The following FAM169A variants were observed in gnomAD, a reference collection of about 807,000 sequenced individuals.
The protein encoded by FAM169A is family with sequence similarity 169 member A, also known as soluble lamin-associated protein of 75 kDa.
FAM169A carries 24 observed loss-of-function variants against 75.7 expected under a neutral mutation model. That is an observed-to-expected ratio of 0.32 (90% CI 0.23 to 0.45). FAM169A has a LOEUF of 0.45. Ranked by LOEUF, FAM169A falls within the 20% of genes least tolerant of loss-of-function variation. The pLI is 1.00. For synonymous variants in FAM169A, 271 were observed against 271.0 expected, an observed-to-expected ratio of 1.00 and a Z score of 0.00; for missense variants, 673 against 784.0, an observed-to-expected ratio of 0.86 and a Z score of 1.69.
intron 1 of FAM169A, among the ~76,000 whole-genome samples, chr5:74,861,477 A>C (rs1750033083): frequency 6.6e-6 from 1 of 152,172 alleles, no homozygotes. Context: ...GGCTCCCAGC[A>C]CTTTGGGAGA....
intron 3 of FAM169A, among the ~76,000 whole-genome samples, chr5:74,839,758 A>C (rs1419047151): frequency 6.6e-6 from 1 of 152,004 alleles, no homozygotes; most frequent in Non-Finnish European, 1.5e-5. Context: ...TTCTGACCTC[A>C]GGTGATCCAC....
chr5:74,862,832 G>A (rs1234400057), intron 1 of FAM169A, among the ~76,000 whole-genome samples: 1 of 152,116 alleles, frequency 6.6e-6, no homozygotes, highest in Admixed American at 6.6e-5. Flanking sequence ...TGTACAGTTA[G>A]ACCTTAAGGA....
intron 8 of FAM169A, 72 bp downstream of exon 8, chr5:74,804,421 A>G (rs774992268): frequency 4.2e-5 from 26 of 622,410 alleles, no homozygotes; most frequent in Non-Finnish European, 6.1e-5. Context: ...AAACTCAAAT[A>G]TAACCTGTAT....
chr5:74,807,444 T>C (rs1022939291), intron 6 of FAM169A, among the ~76,000 whole-genome samples: 1 of 152,172 alleles, frequency 6.6e-6, no homozygotes, highest in Non-Finnish European at 1.5e-5. Flanking sequence ...TGAGAGAGTA[T>C]CATACCACAT....
chr5:74,842,993 A>G (rs2112681784), intron 1 of FAM169A, among the ~76,000 whole-genome samples: 1 of 152,264 alleles, frequency 6.6e-6, no homozygotes, highest in Non-Finnish European at 1.5e-5. Flanking sequence ...ATTTAGTAAA[A>G]TAGGACATAA....
intron 5 of FAM169A, among the ~76,000 whole-genome samples, chr5:74,818,805 A>C (rs36077153): frequency 0.36 from 40,700 of 114,146 alleles, 6,268 homozygotes; most frequent in Non-Finnish European, 0.43. Flanking sequence ...CTCTCTCTCT[A>C]TATATATATA....
chr5:74,800,758 T>A (rs1254565165), intron 10 of FAM169A, 122 bp downstream of exon 10: 1 of 332,990 alleles, frequency 3.0e-6, no homozygotes, highest in Non-Finnish European at 4.7e-6. Context: ...ATACCAAAAG[T>A]ATAATAAACA....
intron 1 of FAM169A, among the ~76,000 whole-genome samples, chr5:74,856,022 C>A (rs1471047959): frequency 6.6e-6 from 1 of 152,210 alleles, no homozygotes; most frequent in Non-Finnish European, 1.5e-5. Context: ...TTCCCAGCAC[C>A]ATTTATTAAA....
chr5:74,834,332 T>C (rs1460303733), intron 5 of FAM169A, 94 bp downstream of exon 5: 1 of 668,852 alleles, frequency 1.5e-6, no homozygotes, highest in African/African-American at 1.9e-5. Flanking sequence ...ATTTGCATGC[T>C]AGAGATTAAT....
chr5:74,842,149 C>T (rs1428434515), intron 1 of FAM169A, among the ~76,000 whole-genome samples: 1 of 149,436 alleles, frequency 6.7e-6, no homozygotes, highest in Admixed American at 6.7e-5. Context: ...ACTGCGGGCA[C>T]AGTGGCTCAC....
chr5:74,839,839 A>G (rs953517848), intron 3 of FAM169A, among the ~76,000 whole-genome samples: 5 of 151,932 alleles, frequency 3.3e-5, no homozygotes, highest in Admixed American at 3.3e-4. Context: ...AGTCAATTAA[A>G]TCTCTTTCTA....
chr5:74,864,242 T>C (rs1750189679), intron 1 of FAM169A, among the ~76,000 whole-genome samples: 1 of 152,264 alleles, frequency 6.6e-6, no homozygotes, highest in Non-Finnish European at 1.5e-5. Context: ...GTTGGATATA[T>C]ATTCCATCTT....
chr5:74,798,006 AG>A (rs1457468608), intron 10 of FAM169A, among the ~76,000 whole-genome samples: 1 of 152,258 alleles, frequency 6.6e-6, no homozygotes, highest in African/African-American at 2.4e-5. Context: ...TTTGGCCTAC[AG>A]GCCATAGTTG....
chr5:74,816,376 T>C (rs1375108929), intron 5 of FAM169A, among the ~76,000 whole-genome samples: 1 of 151,762 alleles, frequency 6.6e-6, no homozygotes, highest in Non-Finnish European at 1.5e-5. Context: ...CATAAATTGA[T>C]TTTTTTTTCT....
At chr5:74,840,754 A>G (rs1204199065) in intron 2 of FAM169A, among the ~76,000 whole-genome samples, 7 of 151,782 alleles carry the variant, frequency 4.6e-5, no homozygotes, top group South Asian at 2.1e-4. Context: ...GCGTGAACCC[A>G]GGAGGCAGAG....
intron 5 of FAM169A, among the ~76,000 whole-genome samples, chr5:74,815,180 A>C (rs548735168): frequency 7.0e-5 from 10 of 142,164 alleles, no homozygotes; most frequent in Non-Finnish European, 1.3e-4. Context: ...AGATATTTTT[A>C]TTTTTTTTCT....
chr5:74,787,055 TG>T (rs1277403843), intron 11 of FAM169A, among the ~76,000 whole-genome samples: 1 of 152,120 alleles, frequency 6.6e-6, no homozygotes, highest in African/African-American at 2.4e-5. Flanking sequence ...AAAGTCCCGG[TG>T]GCCTCCTAGA....
intron 5 of FAM169A, 32 bp from the exon 6 acceptor site, chr5:74,814,051 T>C: frequency 6.9e-7 from 1 of 1,441,798 alleles, no homozygotes; most frequent in Non-Finnish European, 9.1e-7. Context: ...CCCAATAATT[T>C]CTCACATTAA....
intron 1 of FAM169A, among the ~76,000 whole-genome samples, chr5:74,852,257 G>GA (rs1749483084): frequency 6.6e-6 from 1 of 152,130 alleles, no homozygotes; most frequent in Non-Finnish European, 1.5e-5. Flanking sequence ...GGCAGCCCCT[G>GA]AACCACAGGC....
Sources: allele counts gnomAD v4.1 joint callset (sites outside exome capture counted in the v4.1 genomes callset), GRCh38; gene constraint gnomAD v4.1.1; transcripts MANE v1.5; gene names NCBI Gene and HGNC (gene_info 2026-07-23, HGNC 2026-07-21).